CLDN14: variants seen among roughly 807,000 people sequenced by gnomAD.
CLDN14 encodes claudin 14.
In CLDN14, 2 loss-of-function variants were observed where a neutral mutation model predicts 2.1. That is an observed-to-expected ratio of 0.96 (90% CI 0.39 to 3.01). The LOEUF is 3.01. Ranked by LOEUF, CLDN14 falls within the 30% of genes most tolerant of loss-of-function variation. CLDN14 has a pLI of 0.09. For missense variants in CLDN14, 298 were observed against 328.0 expected (o/e 0.91, Z 0.71); for synonymous variants, 136 against 154.4 (o/e 0.88, Z 0.88).
intron 1 of CLDN14, among the ~76,000 whole-genome samples, chr21:36,466,920 A>G (rs1179791944): frequency 1.3e-5 from 2 of 152,220 alleles, no homozygotes; most frequent in African/African-American, 4.8e-5. Flanking sequence ...TGACCAAAAC[A>G]AAGAGGCTAC....
intron 1 of CLDN14, among the ~76,000 whole-genome samples, chr21:36,560,880 G>C (rs442022): frequency 0.75 from 113,522 of 152,130 alleles, 43,938 homozygotes; most frequent in Non-Finnish European, 0.87. Context: ...GCATCTCAAA[G>C]TATCTGTGGT....
chr21:36,508,448 C>A (rs539732553), intron 2 of CLDN14, among the ~76,000 whole-genome samples: 1 of 152,216 alleles, frequency 6.6e-6, no homozygotes, highest in East Asian at 1.9e-4. Context: ...GGAGAGATGA[C>A]CAAGGGGATT....
In CLDN14 at chr21:36,461,090, C is replaced by T. The variant is rs763313658; in HGVS notation, c.606G>A (p.Thr202=). 1.5e-5 allele frequency: 24 copies of T among 1,613,970 alleles called. No individual in the cohort carries two copies. The highest frequency in any genetic ancestry group is 6.6e-5 in the South Asian group (6 of 91,080). ...AGGCAGGTGCGGTGTTTGCAGTGGT[C>T]GTGGTGGCCCTGGGCGGGGCCTGGT... ...RPYQAPPRAT[T]TTANTAPAYQ... Residue 202 remains threonine (T), a synonymous_variant, in exon 2 of 2, where the codon ACG becomes ACA. Coordinates refer to ENST00000399135, the MANE Select transcript of CLDN14 (RefSeq NM_001146079.2).
At chr21:36,500,357 GAC>G (rs2146476071) in intron 2 of CLDN14, among the ~76,000 whole-genome samples, 1 of 152,320 alleles carries the variant, frequency 6.6e-6, no homozygotes, top group Non-Finnish European at 1.5e-5. Context: ...CTCGGACAGT[GAC>G]ACGTCCCGCT....
rs560884239 is a variant in CLDN14 at position 36,547,714 on chromosome 21, C to G, written c.-220+28697G>C. Among the ~76,000 whole-genome samples the G allele has an allele frequency of 1.1e-4, 17 of 152,298 alleles. No individual in the cohort carries two copies. The South Asian group carries it at 3.3e-3, about 30-fold the overall frequency. The stretch of plus-strand genomic sequence containing the variant: ...AGTGACGTGGCTTCTGGGCAGCAGA[C>G]AGGAGGGCTGGGAGCCGCCTGCAGC... On this transcript the variant is annotated intron_variant, in intron 1 of 2. Coordinates refer to the CLDN14 transcript ENST00000342108.
Position 36,499,854 on chromosome 21 carries a change from A to T in CLDN14, c.-82+10509T>A, listed in dbSNP as rs1270891606. ...GGGCTGCTGTCATCTCCTGATGACG[A>T]GCAACATTTTCACAACATCAGGGGG... is the stretch of plus-strand genomic sequence containing the variant. On this transcript the variant is annotated intron_variant, in intron 2 of 2. Transcript: ENST00000342108. This position sits in a 1 kb window ranked among gnomAD's most constrained non-coding sequence, Gnocchi z 4.7. Among the ~76,000 whole-genome samples the T allele has an allele frequency of 6.6e-6, 1 of 152,110 alleles. No individual in the cohort carries two copies. Among genetic ancestry groups the T allele is most frequent in the Non-Finnish European group, 1.5e-5 (1 of 68,016 alleles).
chr21:36,472,919 G>A (rs1003690156), intron 1 of CLDN14, among the ~76,000 whole-genome samples: 5 of 152,168 alleles, frequency 3.3e-5, no homozygotes, highest in East Asian at 1.9e-4. Flanking sequence ...GGGGCTTAGG[G>A]CTCCAACATA....
intron 1 of CLDN14, among the ~76,000 whole-genome samples, chr21:36,534,023 G>A (rs1568872507): frequency 6.6e-6 from 1 of 152,166 alleles, no homozygotes; most frequent in African/African-American, 2.4e-5. Flanking sequence ...AAGATCTGAC[G>A]TGCCTGTGCA....
At chr21:36,535,069 C>G (rs569376916) in intron 1 of CLDN14, among the ~76,000 whole-genome samples, 1 of 152,274 alleles carries the variant, frequency 6.6e-6, no homozygotes, top group Admixed American at 6.5e-5. Flanking sequence ...TGCATTGATT[C>G]AATAGAAAAT....
Position 36,476,264 on chromosome 21 carries a change from G to A in CLDN14, c.-82+3231C>T, listed in dbSNP as rs375334824. 2.3e-4 allele frequency among the ~76,000 whole-genome samples: 35 copies of A among 152,204 alleles called. No homozygotes were observed. The East Asian group carries it at 6.4e-3, about 28-fold the overall frequency. ...TTGCCTTCTGCCATCTAGAAAAAGTGGTTGGGGGGGTGGTTCTTTATTTAT... is the reference window on the plus strand; with the variant it reads ...TTGCCTTCTGCCATCTAGAAAAAGTAGTTGGGGGGGTGGTTCTTTATTTAT... On this transcript the variant is annotated intron_variant, in intron 1 of 1. Transcript: ENST00000399135.
chr21:36,486,695 A>G (rs2086901204), intron 2 of CLDN14: 3 of 1,294,054 alleles, frequency 2.3e-6, no homozygotes, highest in Admixed American at 3.4e-5. Context: ...GTCAACATTT[A>G]CTTTCTCCTT....
intron 1 of CLDN14, among the ~76,000 whole-genome samples, chr21:36,548,921 C>T (rs2087544177): frequency 6.6e-6 from 1 of 152,348 alleles, no homozygotes; most frequent in East Asian, 1.9e-4. Context: ...AGGCTCCCAC[C>T]ACACCCTGGG....
At chr21:36,486,542 G>A (rs771451778) in intron 2 of CLDN14, 31 of 1,562,326 alleles carry the variant, frequency 2.0e-5, no homozygotes, top group Middle Eastern at 3.3e-4. Context: ...AGCCAAAATC[G>A]GAGAACTGAT....
chr21:36,470,085 C>T (rs2086692399), intron 1 of CLDN14, among the ~76,000 whole-genome samples: 1 of 152,060 alleles, frequency 6.6e-6, no homozygotes. Flanking sequence ...CCCAGGTGGA[C>T]ATACAAACAT....
At position 36,536,881 on chromosome 21, in the gene CLDN14, A is replaced by G. The variant is rs188188360; in HGVS notation, c.-219-26381T>C. On this transcript the variant is annotated intron_variant, in intron 1 of 2. Transcript: ENST00000342108. ...CACACTTTCTTACCTTCAACAAGGT[A>G]GTAACATTGCTCAACTAAAAAAACC... Among the ~76,000 whole-genome samples the G allele has an allele frequency of 1.8e-3, 270 of 152,348 alleles. 1 individual carries two copies. Among genetic ancestry groups the G allele is most frequent in the African/African-American group, 6.0e-3 (249 of 41,590 alleles).
At chr21:36,519,733 C>CAA (rs33915345) in intron 1 of CLDN14, among the ~76,000 whole-genome samples, 2 of 150,666 alleles carry the variant, frequency 1.3e-5, no homozygotes, top group Non-Finnish European at 2.9e-5. Context: ...ACAACAACAA[C>CAA]AAAACCCCAA....
chr21:36,524,909 T>C (rs936503357), intron 1 of CLDN14, among the ~76,000 whole-genome samples: 4 of 152,208 alleles, frequency 2.6e-5, no homozygotes, highest in Non-Finnish European at 4.4e-5. Flanking sequence ...ATGCAAGGCA[T>C]GGGTGCCAGG....
intron 2 of CLDN14, among the ~76,000 whole-genome samples, chr21:36,501,431 C>G (rs1198931499): frequency 7.7e-6 from 1 of 129,496 alleles, no homozygotes; most frequent in African/African-American, 2.8e-5. Context: ...TTAAATCTGA[C>G]CTTTGGGACA....
chr21:36,481,975 G>A (rs1243069710), upstream of CLDN14, among the ~76,000 whole-genome samples: 1 of 152,160 alleles, frequency 6.6e-6, no homozygotes, highest in African/African-American at 2.4e-5. Flanking sequence ...AGGGGGTAGA[G>A]AGGCTGGTCC....
Sources: allele counts gnomAD v4.1 joint callset (sites outside exome capture counted in the v4.1 genomes callset), GRCh38; gene constraint gnomAD v4.1.1; non-coding constraint Gnocchi (gnomAD v3.1); transcripts MANE v1.5; gene names NCBI Gene and HGNC (gene_info 2026-07-23, HGNC 2026-07-21).